Variants in PROM1 observed in about 807,000 individuals in gnomAD.
The protein encoded by PROM1 is prominin 1.
PROM1 carries 105 observed loss-of-function variants against 116.9 expected under a neutral mutation model. The observed-to-expected ratio is 0.90, with a 90% CI of 0.77 to 1.06. PROM1 has a LOEUF of 1.06. Among genes scored for constraint, PROM1 ranks in the 50% least tolerant of loss-of-function variants. The pLI is 0.00. For missense variants in PROM1, 1,122 were observed against 1,045.2 expected, an observed-to-expected ratio of 1.07 and a Z score of -1.01; for synonymous variants, 393 against 387.0, an observed-to-expected ratio of 1.02 and a Z score of -0.18.
At chr4:15,983,713 A>T (rs1577827761) in intron 23 of PROM1, among the ~76,000 whole-genome samples, 1 of 152,214 alleles carries the variant, frequency 6.6e-6, no homozygotes, top group East Asian at 1.9e-4. Context: ...TCAGCCATGC[A>T]GAGCCTAGTA....
chr4:15,977,694 G>A (rs576468219), intron 26 of PROM1, among the ~76,000 whole-genome samples: 29 of 152,310 alleles, frequency 1.9e-4, no homozygotes, highest in African/African-American at 6.0e-4. Flanking sequence ...TGCCTCCCGG[G>A]TTCAAGTGAT....
At chr4:16,003,206 C>T (rs937651612) in intron 13 of PROM1, 4 of 438,968 alleles carry the variant, frequency 9.1e-6, no homozygotes, top group Non-Finnish European at 1.9e-5. Flanking sequence ...TGATCTTCCA[C>T]GCATGGATGT....
intron 5 of PROM1, among the ~76,000 whole-genome samples, chr4:16,029,580 C>A (rs1319594425): frequency 6.6e-6 from 1 of 152,108 alleles, no homozygotes; most frequent in Non-Finnish European, 1.5e-5. Flanking sequence ...CTCTGGGAAC[C>A]CTCAGAGAAA....
chr4:16,082,275 T>C (rs1002405270), intron 1 of PROM1: 8 of 151,774 alleles, frequency 5.3e-5, no homozygotes, highest in African/African-American at 1.9e-4. Flanking sequence ...GATATTCACA[T>C]CTTCCATCCA....
intron 2 of PROM1, among the ~76,000 whole-genome samples, chr4:16,055,073 C>A (rs1738702739): frequency 6.6e-6 from 1 of 152,218 alleles, no homozygotes; most frequent in Admixed American, 6.5e-5. Context: ...CTCTGCCACA[C>A]AAATCCTGTA....
At chr4:15,980,618 T>A in intron 23 of PROM1, 81 bp from the exon 24 acceptor site, 9 of 911,262 alleles carry the variant, frequency 9.9e-6, no homozygotes, top group Admixed American at 2.8e-5. Context: ...TTTTTTTTTT[T>A]TTTTTTTTTT....
At chr4:16,018,690 C>T in intron 8 of PROM1, 150 bp from the exon 9 acceptor site, 3 of 676,708 alleles carry the variant, frequency 4.4e-6, no homozygotes, top group South Asian at 3.6e-5. Context: ...GAGGGGAATA[C>T]AGGAGCATCG....
rs372496187 is a variant in PROM1 at position 15,979,894 on chromosome 4, T to G, written c.2500A>C (p.Ile834Leu). The G allele has an allele frequency of 1.1e-5, 16 of 1,443,460 alleles. No homozygotes were observed. In the African/African-American group the frequency reaches 1.7e-4, roughly 15 times the overall value. The allele number at this position is 1,443,460 out of a possible 1,614,324, so 89.4% of individuals were successfully genotyped here. A position where few individuals can be genotyped will look rare whatever the true frequency, so the allele number is the denominator to read the frequency against. ...SEDVYDDVETIPMKNMENGNN... is the reference protein window; with the variant it reads ...SEDVYDDVETLPMKNMENGNN... ...AAAAAGGCTTACTTTTTCATGGGTA[T>G]AGTTTCAACACTATAAAATACAAAA... The change falls in exon 25 of 28, where the codon ATA becomes CTA. Residue 834 changes from isoleucine (I) to leucine (L), a missense_variant. Coordinates refer to ENST00000447510, the MANE Select transcript of PROM1 (RefSeq NM_006017.3).
intron 8 of PROM1, among the ~76,000 whole-genome samples, chr4:16,021,626 G>A (rs2149322145): frequency 6.6e-6 from 1 of 152,332 alleles, no homozygotes; most frequent in Admixed American, 6.5e-5. Flanking sequence ...AGGCTGCAGT[G>A]TTGCCTGGCA....
chr4:16,062,058 AT>A (rs1242629194), intron 2 of PROM1, among the ~76,000 whole-genome samples: 1 of 151,382 alleles, frequency 6.6e-6, no homozygotes, highest in African/African-American at 2.4e-5. Context: ...CGCCCGGCTA[AT>A]TTTTTTGTAT....
Position 15,975,815 on chromosome 4 carries a change from G to A in PROM1, c.2582+3580C>T, listed in dbSNP as rs188010727. 3.3e-5 allele frequency among the ~76,000 whole-genome samples: 5 copies of A among 152,350 alleles called. No homozygotes were observed. The East Asian group carries it at 9.6e-4, about 29-fold the overall frequency. On this transcript the variant is annotated intron_variant, in intron 26 of 27. Transcript: ENST00000447510. ...TTGCCAGGGTTCCCACTGGAGGTGG[G>A]TGTGCAGGAATGAAAACAAGTCTCG...
At chr4:16,066,944 T>C (rs1410932501) in intron 2 of PROM1, among the ~76,000 whole-genome samples, 1 of 152,198 alleles carries the variant, frequency 6.6e-6, no homozygotes, top group Non-Finnish European at 1.5e-5. Flanking sequence ...TAGGACCCTA[T>C]TTCAGAGGGA....
intron 26 of PROM1, among the ~76,000 whole-genome samples, chr4:15,976,980 C>T (rs1716299146): frequency 6.6e-6 from 1 of 152,196 alleles, no homozygotes; most frequent in Non-Finnish European, 1.5e-5. Context: ...AAAGACTTAG[C>T]TAATCTGTAA....
At chr4:16,020,894 A>G (rs1729682918) in intron 8 of PROM1, among the ~76,000 whole-genome samples, 1 of 152,180 alleles carries the variant, frequency 6.6e-6, no homozygotes, top group East Asian at 1.9e-4. Flanking sequence ...GCCCACCAGG[A>G]TCATATATGT....
chr4:16,009,123 AC>A lies in PROM1; in HGVS notation c.1142-16del. The A allele has an allele frequency of 6.2e-7, 1 of 1,608,192 alleles. No homozygotes were observed. Among genetic ancestry groups the A allele is most frequent in the Non-Finnish European group, 8.5e-7 (1 of 1,176,884 alleles). On this transcript the variant is annotated splice_polypyrimidine_tract_variant and intron_variant, in intron 11 of 27. Coordinates refer to ENST00000447510, the MANE Select transcript of PROM1 (RefSeq NM_006017.3). ...CCTTTTGATACCTGAAAACAAAGAT[AC>A]CTTTGTTATGCATTTGCAAACATGG...
At chr4:16,011,476 G>A (rs1726873284) in intron 11 of PROM1, among the ~76,000 whole-genome samples, 1 of 152,236 alleles carries the variant, frequency 6.6e-6, no homozygotes, top group East Asian at 1.9e-4. Context: ...TGACAGAGCG[G>A]CACTGGCCCG....
chr4:15,999,242 T>C (rs537945459), intron 14 of PROM1, among the ~76,000 whole-genome samples: 22 of 151,854 alleles, frequency 1.4e-4, no homozygotes, highest in Admixed American at 9.8e-4. Flanking sequence ...GAGGCCAAGG[T>C]GGGCAGATCA....
chr4:16,052,595 A>G (rs1560578188), intron 2 of PROM1, among the ~76,000 whole-genome samples: 1 of 152,204 alleles, frequency 6.6e-6, no homozygotes, highest in East Asian at 1.9e-4. Flanking sequence ...CTCCCACCTC[A>G]GTCTCCTGAG....
intron 26 of PROM1, among the ~76,000 whole-genome samples, chr4:15,974,208 G>C (rs974332530): frequency 1.3e-5 from 2 of 151,756 alleles, no homozygotes; most frequent in Admixed American, 1.3e-4. Flanking sequence ...TGAAAGGCCA[G>C]GAAGAAGATT....
Sources: gnomAD v4.1 joint callset for allele counts (sites outside exome capture counted in the v4.1 genomes callset) on GRCh38, gnomAD v4.1.1 for gene constraint, MANE v1.5 for transcripts, NCBI Gene and HGNC (gene_info 2026-07-23, HGNC 2026-07-21) for gene names.